The following PDE7B variants were observed in gnomAD, a reference collection of about 807,000 sequenced individuals.
The protein encoded by PDE7B is 3',5'-cyclic-AMP phosphodiesterase 7B.
In PDE7B, 29 loss-of-function variants were observed where a neutral mutation model predicts 56.2. The ratio of observed to expected loss-of-function variants is 0.52; its 90% CI spans 0.38 to 0.70. PDE7B has a LOEUF of 0.70. Among genes scored for constraint, PDE7B ranks in the 30% least tolerant of loss-of-function variants. The pLI is 0.00. For synonymous variants in PDE7B, 197 were observed against 196.9 expected (o/e 1.00, Z 0.00); for missense variants, 490 against 565.0 (o/e 0.87, Z 1.35).
At chr6:136,176,432 T>C (rs922815232) in intron 9 of PDE7B, among the ~76,000 whole-genome samples, 3 of 152,122 alleles carry the variant, frequency 2.0e-5, no homozygotes, top group Non-Finnish European at 4.4e-5. Flanking sequence ...GTTTGTAGCA[T>C]TAAAAAGATG....
intron 2 of PDE7B, among the ~76,000 whole-genome samples, chr6:136,043,684 C>A (rs1776450784): frequency 6.6e-6 from 1 of 150,884 alleles, no homozygotes. Flanking sequence ...TTCTCAACAA[C>A]TTCTCTCATT....
rs544873542 is a variant in PDE7B, at chr6:135,940,311, G to T, written c.22-7153G>T. ...CCTTCTCCAGTAACCCCAGTCAGGG[G>T]TGGGTACCCAGCATTGAAAGTGCCC... On this transcript the variant is annotated intron_variant, in intron 1 of 12. Coordinates refer to ENST00000308191, the MANE Select transcript of PDE7B (RefSeq NM_018945.4). Among the ~76,000 whole-genome samples the T allele has an allele frequency of 5.3e-5, 8 of 152,306 alleles. No individual in the cohort carries two copies. The South Asian group carries it at 1.2e-3, about 24-fold the overall frequency.
chr6:136,108,597 G>C lies in PDE7B; in HGVS notation c.83-134G>C. 8.7e-6 allele frequency: 6 copies of C among 689,022 alleles called. No individual in the cohort carries two copies. The South Asian group carries it at 9.4e-5, about 11-fold the overall frequency. The allele number at this position is 689,022 out of a possible 1,614,324, so 42.7% of individuals were successfully genotyped here. On this transcript the variant is annotated intron_variant, in intron 2 of 12. Coordinates refer to ENST00000308191, the MANE Select transcript of PDE7B (RefSeq NM_018945.4). ...AGTATTAAATATTCCTTTCCACATAGCACTCTTCAGTATGGTGAATGGGAA... is the reference window on the plus strand; with the variant it reads ...AGTATTAAATATTCCTTTCCACATACCACTCTTCAGTATGGTGAATGGGAA...
At chr6:135,875,895 G>C (rs937412201) in intron 1 of PDE7B, among the ~76,000 whole-genome samples, 2 of 151,848 alleles carry the variant, frequency 1.3e-5, no homozygotes, top group African/African-American at 4.8e-5. Flanking sequence ...GTGACTTTGT[G>C]GTCATCTGTT....
At chr6:136,023,912 G>A (rs1231732400) in intron 2 of PDE7B, among the ~76,000 whole-genome samples, 2 of 152,114 alleles carry the variant, frequency 1.3e-5, no homozygotes, top group Non-Finnish European at 2.9e-5. Flanking sequence ...GCCTGAAAAG[G>A]TAAGGAGCTT....
At position 136,147,618 on chromosome 6, in the gene PDE7B, C is replaced by T. The variant is rs185431336; in HGVS notation, c.318+116C>T. The T allele has an allele frequency of 7.0e-6, 5 of 717,136 alleles. No individual in the cohort carries two copies. The African/African-American group carries it at 7.0e-5, about 10-fold the overall frequency. The allele number at this position is 717,136 out of a possible 1,614,324, so 44.4% of individuals were successfully genotyped here. On this transcript the variant is annotated intron_variant, in intron 4 of 12. Transcript: ENST00000308191. ...CTCTGAGGAGCTCTGTGACCCTGAG[C>T]TCATTATTCCATACATCTGGACTTG...
At chr6:135,892,805 G>A (rs1273322052) in intron 1 of PDE7B, among the ~76,000 whole-genome samples, 2 of 152,108 alleles carry the variant, frequency 1.3e-5, no homozygotes, top group African/African-American at 4.8e-5. Context: ...ATATTTCTCA[G>A]TATCTTTAGT....
At chr6:136,110,986 TG>T (rs1469183551) in intron 3 of PDE7B, 1 of 152,172 alleles carries the variant, frequency 6.6e-6, no homozygotes, top group African/African-American at 2.4e-5. Context: ...TCACCCCACC[TG>T]GTACTCACAA....
chr6:136,162,809 G>A (rs1003410625), intron 8 of PDE7B, among the ~76,000 whole-genome samples: 13 of 152,138 alleles, frequency 8.5e-5, no homozygotes, highest in African/African-American at 3.1e-4. Context: ...AGGGTTACAG[G>A]CCCCATGCAA....
At chr6:136,164,395 C>A (rs1404011125) in intron 8 of PDE7B, among the ~76,000 whole-genome samples, 2 of 152,116 alleles carry the variant, frequency 1.3e-5, no homozygotes, top group African/African-American at 4.8e-5. Flanking sequence ...ATAGGAACTA[C>A]AATTCAAGAT....
chr6:136,124,361 T>A (rs1453668073), intron 3 of PDE7B, among the ~76,000 whole-genome samples: 1 of 152,204 alleles, frequency 6.6e-6, no homozygotes, highest in African/African-American at 2.4e-5. Context: ...AAATATTTTT[T>A]AAAAAATTGT....
rs1252297143 is a variant in PDE7B at position 135,905,335 on chromosome 6, C to CGT, written c.22-42118_22-42117dup. Among the ~76,000 whole-genome samples, 13 of 122,446 alleles carry CGT rather than the reference C, an allele frequency of 1.1e-4. No homozygotes were observed. In the East Asian group the frequency reaches 1.7e-3, roughly 16 times the overall value. 80.3% of individuals were successfully genotyped at this position (122,446 alleles called of 152,430 possible). ...ATGTGTTATGATGCATACATACATG[C>CGT]GTGTGTGTGTGTATGTGTGTGTGTG... On this transcript the variant is annotated intron_variant, in intron 1 of 12. Coordinates refer to ENST00000308191, the MANE Select transcript of PDE7B (RefSeq NM_018945.4).
chr6:136,037,411 C>A, intron 2 of PDE7B: 1 of 985,188 alleles, frequency 1.0e-6, no homozygotes, highest in Non-Finnish European at 1.2e-6. Context: ...AGGTCATAAC[C>A]CAGATAGGTT....
At chr6:136,031,803 C>A (rs1776252017) in intron 2 of PDE7B, among the ~76,000 whole-genome samples, 1 of 149,926 alleles carries the variant, frequency 6.7e-6, no homozygotes, top group African/African-American at 2.4e-5. Flanking sequence ...TTTGTTATGT[C>A]ATTTATATAA....
chr6:136,109,242 G>A (rs1314247592), intron 3 of PDE7B, among the ~76,000 whole-genome samples: 1 of 152,140 alleles, frequency 6.6e-6, no homozygotes, highest in African/African-American at 2.4e-5. Flanking sequence ...TGGGGGCTGA[G>A]GTGAGAGAAT....
At chr6:135,976,852 C>T (rs545116384) in intron 2 of PDE7B, among the ~76,000 whole-genome samples, 1 of 152,268 alleles carries the variant, frequency 6.6e-6, no homozygotes, top group East Asian at 1.9e-4. Flanking sequence ...GGCTATTTCA[C>T]TTTCTAAAAC....
chr6:135,876,526 C>T (rs549065720), intron 1 of PDE7B, among the ~76,000 whole-genome samples: 71 of 152,316 alleles, frequency 4.7e-4, no homozygotes, highest in African/African-American at 1.4e-3. Flanking sequence ...TACCTTTTCT[C>T]ACTTTCTTGA....
intron 2 of PDE7B, among the ~76,000 whole-genome samples, chr6:136,082,202 C>T (rs1301771580): frequency 6.6e-6 from 1 of 152,198 alleles, no homozygotes; most frequent in Non-Finnish European, 1.5e-5. Flanking sequence ...GTGTCACACA[C>T]AGGCCTTAGG....
chr6:135,963,786 T>C (rs966260908), intron 2 of PDE7B, among the ~76,000 whole-genome samples: 3 of 152,196 alleles, frequency 2.0e-5, no homozygotes, highest in African/African-American at 4.8e-5. Context: ...ATTCTTTTTA[T>C]ACTTGATTTG....
Sources: allele counts gnomAD v4.1 joint callset (sites outside exome capture counted in the v4.1 genomes callset), GRCh38; gene constraint gnomAD v4.1.1; transcripts MANE v1.5; gene names NCBI Gene and HGNC (gene_info 2026-07-23, HGNC 2026-07-21).